PTPRK: variants seen among roughly 807,000 people sequenced by gnomAD.
The protein encoded by PTPRK is protein tyrosine phosphatase receptor type K.
PTPRK carries 75 observed loss-of-function variants against 178.0 expected under a neutral mutation model. The ratio of observed to expected loss-of-function variants is 0.42; its 90% CI spans 0.35 to 0.51. PTPRK has a LOEUF of 0.51. PTPRK is among the 20% of genes least tolerant of loss of function. The pLI is 0.02. For synonymous variants in PTPRK, 637 were observed against 620.6 expected (o/e 1.03, Z -0.39); for missense variants, 1,441 against 1,797.8 (o/e 0.80, Z 3.59).
rs375557964 is a variant in PTPRK, at chr6:128,122,725, T to C, written c.1163-32733A>G. Among the ~76,000 whole-genome samples the C allele has an allele frequency of 3.3e-4, 50 of 152,270 alleles. No homozygotes were observed. In the East Asian group the frequency reaches 6.2e-3, roughly 19 times the overall value. On this transcript the variant is annotated intron_variant, in intron 7 of 29. Coordinates refer to ENST00000368226, the MANE Select transcript of PTPRK (RefSeq NM_002844.4). ...ACCTACAAATGAAGGATAACCGCAG[T>C]ATGAAAATTAAAAGAGAATATATGT...
At chr6:128,141,651 G>T (rs1795785652) in intron 7 of PTPRK, among the ~76,000 whole-genome samples, 1 of 151,698 alleles carries the variant, frequency 6.6e-6, no homozygotes, top group South Asian at 2.1e-4. Context: ...CTTTTAAACA[G>T]CTTCATTATG....
At chr6:128,199,605 G>C (rs556014641) in intron 6 of PTPRK, among the ~76,000 whole-genome samples, 28 of 151,570 alleles carry the variant, frequency 1.8e-4, no homozygotes, top group Middle Eastern at 3.2e-3. Flanking sequence ...GGGAGGGAAA[G>C]GGTAGGGAAA....
At chr6:128,231,342 A>G (rs778641637) in intron 5 of PTPRK, among the ~76,000 whole-genome samples, 1 of 152,220 alleles carries the variant, frequency 6.6e-6, no homozygotes, top group Non-Finnish European at 1.5e-5. Context: ...AATTAACTGT[A>G]AACCAGTGTA....
intron 1 of PTPRK, among the ~76,000 whole-genome samples, chr6:128,421,401 T>C (rs1455092502): frequency 6.6e-6 from 1 of 152,172 alleles, no homozygotes; most frequent in Non-Finnish European, 1.5e-5. Context: ...GCAGAAGATA[T>C]TAGTCAGTCT....
At chr6:128,175,506 A>G (rs984097700) in intron 7 of PTPRK, among the ~76,000 whole-genome samples, 3 of 151,864 alleles carry the variant, frequency 2.0e-5, no homozygotes, top group African/African-American at 7.2e-5. Flanking sequence ...TATATCCAAC[A>G]GAATATTAAG....
chr6:128,079,391 T>C (rs1204478638), intron 10 of PTPRK, among the ~76,000 whole-genome samples: 4 of 152,068 alleles, frequency 2.6e-5, no homozygotes, highest in African/African-American at 9.7e-5. Context: ...CTTATGCTAA[T>C]GTGTTTTTCA....
chr6:128,050,900 T>C (rs1778891458), intron 13 of PTPRK, among the ~76,000 whole-genome samples: 1 of 152,208 alleles, frequency 6.6e-6, no homozygotes, highest in East Asian at 1.9e-4. Flanking sequence ...AATGATGTTA[T>C]TTCAGTATGT....
chr6:128,344,820 C>G (rs2128333821), intron 2 of PTPRK, among the ~76,000 whole-genome samples: 1 of 152,200 alleles, frequency 6.6e-6, no homozygotes, highest in Admixed American at 6.6e-5. Flanking sequence ...CTGGCCCACC[C>G]CTCACTTCTA....
intron 11 of PTPRK, among the ~76,000 whole-genome samples, chr6:128,069,724 G>GA (rs535654873): frequency 9.4e-5 from 14 of 149,138 alleles, no homozygotes; most frequent in African/African-American, 2.0e-4. Flanking sequence ...CATACCTCTA[G>GA]AAAAAAAAAC....
At chr6:128,338,680 G>A (rs1056721265) in intron 2 of PTPRK, among the ~76,000 whole-genome samples, 2 of 146,120 alleles carry the variant, frequency 1.4e-5, no homozygotes, top group African/African-American at 5.1e-5. Flanking sequence ...CCCCTCTGCA[G>A]AAGGAAATCT....
Position 128,438,926 on chromosome 6 carries a change from GA to G in PTPRK, c.101-41239del, listed in dbSNP as rs560801697. ...TTTCCCATTGAAACAGAAGTTTAGAGAAAAAAAAAATGACCATATAATTATT... is the reference window on the plus strand; with the variant it reads ...TTTCCCATTGAAACAGAAGTTTAGAGAAAAAAAAATGACCATATAATTATT... On this transcript the variant is annotated intron_variant, in intron 1 of 29. Coordinates refer to ENST00000368226, the MANE Select transcript of PTPRK (RefSeq NM_002844.4). Among the ~76,000 whole-genome samples the G allele has an allele frequency of 2.3e-3, 332 of 146,954 alleles. 1 individual carries two copies. Among genetic ancestry groups the G allele is most frequent in the East Asian group, 6.3e-3 (32 of 5,050 alleles).
intron 1 of PTPRK, among the ~76,000 whole-genome samples, chr6:128,476,559 G>A (rs2128421283): frequency 6.6e-6 from 1 of 152,044 alleles, no homozygotes. Flanking sequence ...GAAATAATAT[G>A]TATAAACAAT....
intron 7 of PTPRK, among the ~76,000 whole-genome samples, chr6:128,112,294 A>G (rs1479653306): frequency 1.3e-5 from 2 of 152,138 alleles, no homozygotes; most frequent in Admixed American, 1.3e-4. Context: ...TGGAAAATAT[A>G]GGTAAAAATA....
At chr6:128,333,113 T>C (rs1830483339) in intron 2 of PTPRK, among the ~76,000 whole-genome samples, 1 of 152,182 alleles carries the variant, frequency 6.6e-6, no homozygotes, top group South Asian at 2.1e-4. Flanking sequence ...GTGGCCAATT[T>C]TGTAATCATC....
intron 1 of PTPRK, among the ~76,000 whole-genome samples, chr6:128,496,736 T>C (rs1469569154): frequency 1.3e-5 from 2 of 152,202 alleles, no homozygotes; most frequent in East Asian, 1.9e-4. Context: ...ATAATCTAAC[T>C]CTAATTGCTT....
At chr6:128,359,179 G>A (rs998323098) in intron 2 of PTPRK, among the ~76,000 whole-genome samples, 11 of 152,014 alleles carry the variant, frequency 7.2e-5, no homozygotes, top group African/African-American at 1.2e-4. Context: ...CACCAGGTAC[G>A]GTGGCTCACG....
At chr6:128,339,014 G>A (rs1228416040) in intron 2 of PTPRK, among the ~76,000 whole-genome samples, 2 of 151,772 alleles carry the variant, frequency 1.3e-5, no homozygotes, top group African/African-American at 4.8e-5. Flanking sequence ...TATGTTTTTT[G>A]CTTTTGAAAA....
At chr6:128,287,738 GT>G (rs1554209097) in intron 3 of PTPRK, among the ~76,000 whole-genome samples, 1 of 152,122 alleles carries the variant, frequency 6.6e-6, no homozygotes, top group Non-Finnish European at 1.5e-5. Context: ...ATGAGCTGAC[GT>G]TAGCTGTTCA....
At chr6:128,317,993 GCAGAGT>G (rs1828260031) in intron 3 of PTPRK, among the ~76,000 whole-genome samples, 1 of 152,118 alleles carries the variant, frequency 6.6e-6, no homozygotes, top group Admixed American at 6.5e-5. Context: ...AAGATCATGA[GCAGAGT>G]CACTTACAAT....
Sources: gnomAD v4.1 joint callset for allele counts (sites outside exome capture counted in the v4.1 genomes callset) on GRCh38, gnomAD v4.1.1 for gene constraint, MANE v1.5 for transcripts, NCBI Gene and HGNC (gene_info 2026-07-23, HGNC 2026-07-21) for gene names.